MYO3B: variants seen among roughly 807,000 people sequenced by gnomAD.
MYO3B encodes the protein myosin-IIIb.
A neutral mutation model predicts 174.6 loss-of-function variants in MYO3B; 156 were observed. That is an observed-to-expected ratio of 0.89 (90% CI 0.78 to 1.02). MYO3B has a LOEUF of 1.02. Ranked by LOEUF, MYO3B falls within the 50% of genes least tolerant of loss-of-function variation. The pLI, the probability that MYO3B is intolerant of heterozygous loss-of-function variation, is 0.00. For missense variants in MYO3B, 1,632 were observed against 1,639.4 expected, an observed-to-expected ratio of 1.00 and a Z score of 0.08; for synonymous variants, 563 against 569.1, an observed-to-expected ratio of 0.99 and a Z score of 0.15.
At chr2:170,485,483 G>T (rs1216372450) in intron 25 of MYO3B, among the ~76,000 whole-genome samples, 1 of 151,620 alleles carries the variant, frequency 6.6e-6, no homozygotes, top group Non-Finnish European at 1.5e-5. Context: ...ACTTTAGCTT[G>T]TGAACCACAC....
intron 32 of MYO3B, among the ~76,000 whole-genome samples, chr2:170,554,296 G>T (rs763416707): frequency 2.0e-5 from 3 of 152,198 alleles, no homozygotes; most frequent in Non-Finnish European, 4.4e-5. Flanking sequence ...TACCTACCAA[G>T]ATTGATCATA....
chr2:170,213,347 C>A (rs563828460), intron 3 of MYO3B, among the ~76,000 whole-genome samples: 4 of 152,158 alleles, frequency 2.6e-5, no homozygotes, highest in African/African-American at 9.7e-5. Context: ...GTGAGAGAGT[C>A]GTGATCGATT....
At chr2:170,299,152 T>C (rs2093648490) in intron 7 of MYO3B, among the ~76,000 whole-genome samples, 1 of 152,190 alleles carries the variant, frequency 6.6e-6, no homozygotes, top group African/African-American at 2.4e-5. Flanking sequence ...AACACTACTA[T>C]TTTTCATTTA....
intron 25 of MYO3B, 57 bp from the exon 26 acceptor site, chr2:170,498,535 A>G: frequency 8.2e-7 from 1 of 1,226,600 alleles, no homozygotes. Context: ...GAGTAATTCT[A>G]CTATGCTGAG....
chr2:170,373,379 T>A (rs944985394), intron 9 of MYO3B, among the ~76,000 whole-genome samples: 3 of 152,250 alleles, frequency 2.0e-5, no homozygotes, highest in Non-Finnish European at 4.4e-5. Context: ...AGTTCTTCAA[T>A]GGTCTAGGCA....
At chr2:170,297,311 C>T (rs2093635177) in intron 7 of MYO3B, among the ~76,000 whole-genome samples, 1 of 144,122 alleles carries the variant, frequency 6.9e-6, no homozygotes, top group Admixed American at 6.9e-5. Context: ...GCCACCCCCT[C>T]CCCCAATGAC....
At chr2:170,546,328 G>T (rs79669918) in intron 32 of MYO3B, among the ~76,000 whole-genome samples, 1 of 152,082 alleles carries the variant, frequency 6.6e-6, no homozygotes, top group Non-Finnish European at 1.5e-5. Context: ...CCTAGGTCTC[G>T]AATTGAATTC....
intron 24 of MYO3B, among the ~76,000 whole-genome samples, 159 bp downstream of exon 24, chr2:170,463,604 T>C (rs942205588): frequency 4.6e-5 from 7 of 152,170 alleles, no homozygotes; most frequent in African/African-American, 1.2e-4. Context: ...GAAGAGAACA[T>C]TGGGCACAAA....
intron 9 of MYO3B, among the ~76,000 whole-genome samples, chr2:170,377,392 C>T (rs1381604716): frequency 6.6e-6 from 1 of 152,242 alleles, no homozygotes; most frequent in Non-Finnish European, 1.5e-5. Flanking sequence ...TCTATGCCCA[C>T]TGTTGTCTTA....
chr2:170,642,748 T>C (rs1208932434), intron 32 of MYO3B, among the ~76,000 whole-genome samples: 1 of 152,100 alleles, frequency 6.6e-6, no homozygotes, highest in African/African-American at 2.4e-5. Context: ...ACAGAGAATT[T>C]TCCTCCATGA....
intron 30 of MYO3B, among the ~76,000 whole-genome samples, chr2:170,530,489 C>T (rs561454392): frequency 2.8e-4 from 43 of 152,262 alleles, no homozygotes; most frequent in African/African-American, 9.9e-4. Context: ...TTCAACACCA[C>T]CTATGGGTTA....
chr2:170,558,772 A>G (rs1691515823), intron 32 of MYO3B, among the ~76,000 whole-genome samples: 1 of 152,208 alleles, frequency 6.6e-6, no homozygotes, highest in African/African-American at 2.4e-5. Flanking sequence ...AGGGTGGCAA[A>G]GCTGGCTTTG....
chr2:170,425,204 G>A (rs989458576), intron 22 of MYO3B, among the ~76,000 whole-genome samples: 3 of 152,070 alleles, frequency 2.0e-5, no homozygotes, highest in Non-Finnish European at 4.4e-5. Context: ...TTTTTCCCCA[G>A]GAATTTAGGT....
At chr2:170,529,557 G>A (rs144039987) in intron 30 of MYO3B, among the ~76,000 whole-genome samples, 1 of 151,818 alleles carries the variant, frequency 6.6e-6, no homozygotes, top group South Asian at 2.1e-4. Context: ...AAGAAAATCT[G>A]ATCTCTAACC....
In MYO3B at chr2:170,285,730, T is replaced by A. The variant is rs569190153; in HGVS notation, c.749+49594T>A. Reference sequence around the variant, plus strand: ...AAAACTTTTAAGTTTAATGTCAAATTTCTCGATCTTTTTATTTTTGGGTAT... The same window carrying A: ...AAAACTTTTAAGTTTAATGTCAAATATCTCGATCTTTTTATTTTTGGGTAT... On this transcript the variant is annotated intron_variant, in intron 7 of 34. Coordinates refer to ENST00000408978, the MANE Select transcript of MYO3B (RefSeq NM_138995.5). 8.0e-4 allele frequency among the ~76,000 whole-genome samples: 122 copies of A among 152,292 alleles called. 1 individual carries two copies. The highest frequency in any genetic ancestry group is 1.4e-3 in the Non-Finnish European group (93 of 68,024).
intron 14 of MYO3B, among the ~76,000 whole-genome samples, chr2:170,387,761 G>T (rs1171100233): frequency 1.3e-5 from 2 of 152,124 alleles, no homozygotes; most frequent in African/African-American, 4.8e-5. Context: ...TTTGATCTGG[G>T]TTCAAATGCA....
chr2:170,393,867 GA>G (rs2094429300), intron 16 of MYO3B, among the ~76,000 whole-genome samples: 1 of 152,128 alleles, frequency 6.6e-6, no homozygotes, highest in Admixed American at 6.5e-5. Context: ...TGGCTTCTTA[GA>G]GGGGGGCAAT....
At chr2:170,651,758 C>CTGTT in intron 33 of MYO3B, 24 bp downstream of exon 33, 4 of 1,577,356 alleles carry the variant, frequency 2.5e-6, no homozygotes, top group Non-Finnish European at 3.5e-6. Flanking sequence ...GGCCGTAAAG[C>CTGTT]TGTTTCACTG....
intron 32 of MYO3B, among the ~76,000 whole-genome samples, chr2:170,595,391 T>G (rs1270070883): frequency 6.8e-6 from 1 of 146,676 alleles, no homozygotes; most frequent in Non-Finnish European, 1.5e-5. Context: ...CTGTGCTGCA[T>G]CTTCATTTTG....
Sources: allele counts gnomAD v4.1 joint callset (sites outside exome capture counted in the v4.1 genomes callset), GRCh38; gene constraint gnomAD v4.1.1; transcripts MANE v1.5; gene names NCBI Gene and HGNC (gene_info 2026-07-23, HGNC 2026-07-21).